Variants in SECISBP2 observed in about 807,000 individuals in gnomAD.
The protein encoded by SECISBP2 is selenocysteine insertion sequence-binding protein 2.
Under a neutral mutation model 98.2 loss-of-function variants are expected in SECISBP2, and 96 were observed. The ratio of observed to expected loss-of-function variants is 0.98; its 90% CI spans 0.83 to 1.16. SECISBP2 has a LOEUF of 1.16. Ranked by LOEUF, SECISBP2 falls within the 50% of genes most tolerant of loss-of-function variation. The probability of loss-of-function intolerance (pLI) is 0.00; values close to 1 mark genes in which losing one functional copy is unlikely to be tolerated. For missense variants in SECISBP2, 1,046 were observed against 1,022.9 expected (o/e 1.02, Z -0.31); for synonymous variants, 407 against 370.2 (o/e 1.10, Z -1.14).
chr9:89,333,976 G>A (rs1014775201), intron 6 of SECISBP2: 4 of 1,012,944 alleles, frequency 3.9e-6, no homozygotes, highest in Non-Finnish European at 3.5e-6. Flanking sequence ...GCTGACAGGT[G>A]TTCACCTGCC....
At chr9:89,363,817 G>A (rs1359095325), downstream of SECISBP2, 14 of 1,613,968 alleles carry the variant, frequency 8.7e-6, no homozygotes, top group African/African-American at 6.7e-5. Context: ...GATACTCAGC[G>A]CTTTCCCTGA....
intron 7 of SECISBP2, among the ~76,000 whole-genome samples, chr9:89,337,777 G>A (rs1245026961): frequency 2.0e-5 from 3 of 152,218 alleles, no homozygotes; most frequent in African/African-American, 7.2e-5. Flanking sequence ...GATGGAGGGA[G>A]GCCGACAACA....
chr9:89,325,598 T>C lies in SECISBP2; in HGVS notation c.354T>C (p.Cys118=), dbSNP rs1430454249. The part of the protein sequence containing the change: ...GSQYLYNQPS[C]YRGFQTVKHR... ...AGTATCTTTATAACCAACCCAGTTG[T>C]TACCGAGGTTTTCAAACAGTGAAGC... The change falls in exon 3 of 17, where the codon TGT becomes TGC. Residue 118 remains cysteine, a synonymous_variant. Transcript: ENST00000375807. The C allele has an allele frequency of 1.2e-6, 2 of 1,614,172 alleles. No homozygotes were observed. Among genetic ancestry groups the C allele is most frequent in the Non-Finnish European group, 8.5e-7 (1 of 1,180,014 alleles).
At chr9:89,321,247 TGC>T (rs1825755895) in intron 2 of SECISBP2, among the ~76,000 whole-genome samples, 1 of 152,260 alleles carries the variant, frequency 6.6e-6, no homozygotes, top group African/African-American at 2.4e-5. Flanking sequence ...CAAAGCCATC[TGC>T]TAGGTGGTAT....
At chr9:89,332,251 C>T (rs1564357166) in intron 5 of SECISBP2, among the ~76,000 whole-genome samples, 1 of 152,020 alleles carries the variant, frequency 6.6e-6, no homozygotes, top group Non-Finnish European at 1.5e-5. Context: ...CACACACAGC[C>T]TCCTTCATTA....
chr9:89,347,516 A>G, intron 11 of SECISBP2, among the ~76,000 whole-genome samples: 1 of 119,864 alleles, frequency 8.3e-6, no homozygotes, highest in South Asian at 2.6e-4. Context: ...CTTGTCGCCC[A>G]GGCTGGAGTG....
chr9:89,329,102 G>C, intron 5 of SECISBP2: 1 of 570,774 alleles, frequency 1.8e-6, no homozygotes, highest in Non-Finnish European at 3.1e-6. Flanking sequence ...TGTTTTATTT[G>C]TGCGTTTTGT....
intron 10 of SECISBP2, among the ~76,000 whole-genome samples, chr9:89,343,361 T>A (rs992413641): frequency 2.0e-5 from 3 of 152,198 alleles, no homozygotes; most frequent in Non-Finnish European, 4.4e-5. Context: ...TTTAAACTTT[T>A]ATTTTAGATT....
chr9:89,337,732 A>G (rs1286118706), intron 7 of SECISBP2, among the ~76,000 whole-genome samples: 1 of 152,248 alleles, frequency 6.6e-6, no homozygotes, highest in Non-Finnish European at 1.5e-5. Flanking sequence ...GCCTAAAACA[A>G]AAAGTTCCCT....
Position 89,318,755 on chromosome 9 carries a change from C to T in SECISBP2, c.36+143C>T, listed in dbSNP as rs978860502. 130 of 1,223,796 alleles carry T rather than the reference C, an allele frequency of 1.1e-4. No homozygotes were observed. The African/African-American group carries it at 1.8e-3, about 17-fold the overall frequency. 75.8% of individuals were successfully genotyped at this position (1,223,796 alleles called of 1,614,324 possible). On this transcript the variant is annotated intron_variant, in intron 1 of 16. Coordinates refer to ENST00000375807, the MANE Select transcript of SECISBP2 (RefSeq NM_024077.5). ...GCACGGGAGCGCCCTACCGGGTGGCCGCGATCTTCGCGCCCCGCCTCGGGT... is the reference window on the plus strand; with the variant it reads ...GCACGGGAGCGCCCTACCGGGTGGCTGCGATCTTCGCGCCCCGCCTCGGGT...
chr9:89,337,607 C>G (rs1039608184), intron 7 of SECISBP2, among the ~76,000 whole-genome samples: 8 of 152,148 alleles, frequency 5.3e-5, no homozygotes, highest in Non-Finnish European at 5.9e-5. Context: ...CTGTCTTTTT[C>G]ACTTAGAAAA....
rs1408313716 is a variant in SECISBP2, at chr9:89,348,219, CA to C, written c.1738+7del. The C allele has an allele frequency of 1.2e-6, 2 of 1,613,696 alleles. No homozygotes were observed. The highest frequency in any genetic ancestry group is 1.7e-6 in the Non-Finnish European group (2 of 1,179,956). ...CCGAGCAGGCAGAGCTGTCAGGTACCAACTTCTCTTTGTGCCTTAAGAATAA... is the reference window on the plus strand; with the variant it reads ...CCGAGCAGGCAGAGCTGTCAGGTACCACTTCTCTTTGTGCCTTAAGAATAA... On this transcript the variant is annotated splice_donor_region_variant and intron_variant, in intron 12 of 16. Coordinates refer to ENST00000375807, the MANE Select transcript of SECISBP2 (RefSeq NM_024077.5).
intron 15 of SECISBP2, among the ~76,000 whole-genome samples, 188 bp downstream of exon 15, chr9:89,357,753 T>C (rs1047337253): frequency 1.3e-5 from 2 of 152,228 alleles, no homozygotes; most frequent in African/African-American, 4.8e-5. Flanking sequence ...TCATGGGTTG[T>C]CTGGTTCTGA....
chr9:89,354,712 G>A (rs1458782316), intron 14 of SECISBP2: 9 of 957,974 alleles, frequency 9.4e-6, no homozygotes, highest in Non-Finnish European at 1.1e-5. Context: ...CAACCTGACA[G>A]GCAGCCTCGA....
At position 89,328,712 on chromosome 9, in the gene SECISBP2, A is replaced by G. The variant is rs1827203988; in HGVS notation, c.627A>G (p.Val209=). 7.4e-6 allele frequency: 12 copies of G among 1,614,204 alleles called. No homozygotes were observed. Among genetic ancestry groups the G allele is most frequent in the East Asian group, 2.2e-5 (1 of 44,886 alleles). The part of the protein sequence containing the change: ...DRKSRIIAKN[V]STSKPEFEFT... ...AATCCAGAATCATTGCAAAAAATGT[A>G]TCTACCTCCAAACCTGAGTTTGAAT... Residue 209 remains valine, a synonymous_variant, in exon 5 of 17, where the codon GTA becomes GTG. Coordinates refer to ENST00000375807, the MANE Select transcript of SECISBP2 (RefSeq NM_024077.5).
At chr9:89,365,438 G>A in the SECISBP2 span, 14 of 152,408 alleles carry the variant, frequency 9.2e-5, no homozygotes, top group Non-Finnish European at 1.6e-4. Context: ...GCCCTTCCTC[G>A]AGGCCCACCA....
chr9:89,334,288 C>A, intron 6 of SECISBP2: 1 of 1,015,586 alleles, frequency 9.8e-7, no homozygotes, highest in Non-Finnish European at 1.4e-6. Flanking sequence ...GGTTAAAAAA[C>A]CAGTTTCCAG....
At chr9:89,343,991 G>A (rs554445489) in intron 10 of SECISBP2, among the ~76,000 whole-genome samples, 7 of 152,054 alleles carry the variant, frequency 4.6e-5, no homozygotes, top group Non-Finnish European at 1.0e-4. Flanking sequence ...CCGCAACCTC[G>A]CCAGCTTCGT....
intron 2 of SECISBP2, chr9:89,322,546 A>G (rs544216356): frequency 6.6e-6 from 1 of 152,264 alleles, no homozygotes; most frequent in Non-Finnish European, 1.5e-5. Flanking sequence ...CACCAGAACC[A>G]GAATTAACGT....
Sources: allele counts gnomAD v4.1 joint callset (sites outside exome capture counted in the v4.1 genomes callset), GRCh38; gene constraint gnomAD v4.1.1; transcripts MANE v1.5; gene names NCBI Gene and HGNC (gene_info 2026-07-23, HGNC 2026-07-21).